The following CACNA1C variants were observed in gnomAD, a reference collection of about 807,000 sequenced individuals.
CACNA1C encodes the protein voltage-dependent L-type calcium channel subunit alpha-1C.
Under a neutral mutation model 229.0 loss-of-function variants are expected in CACNA1C, and 30 were observed. That is an observed-to-expected ratio of 0.13 (90% confidence interval 0.10 to 0.18). CACNA1C has a LOEUF of 0.18. Among genes scored for constraint, CACNA1C ranks in the 10% least tolerant of loss-of-function variants. The pLI is 1.00. For synonymous variants in CACNA1C, 1,114 were observed against 1,132.5 expected, an observed-to-expected ratio of 0.98 and a Z score of 0.33; for missense variants, 1,658 against 2,845.0, an observed-to-expected ratio of 0.58 and a Z score of 9.49.
chr12:2,039,121 T>A (rs1381569629), intron 1 of CACNA1C, among the ~76,000 whole-genome samples: 1 of 152,216 alleles, frequency 6.6e-6, no homozygotes, highest in African/African-American at 2.4e-5. Context: ...CATGGGCCTT[T>A]TAATAGACAA....
intron 3 of CACNA1C, among the ~76,000 whole-genome samples, chr12:2,122,815 C>T (rs1016649190): frequency 6.6e-5 from 10 of 152,182 alleles, no homozygotes; most frequent in African/African-American, 2.2e-4. Flanking sequence ...CCATATTTCC[C>T]GCATTGGAGA....
chr12:2,242,164 T>C lies in CACNA1C; in HGVS notation c.477+121734T>C, dbSNP rs2070733026. On this transcript the variant is annotated intron_variant, in intron 3 of 46. Transcript: ENST00000399655. ...CCAGCCATACTTTGCTCTTGCTACA[T>C]TCCTGCCACCCTATCTCCTGGGAGT... 2.0e-5 allele frequency among the ~76,000 whole-genome samples: 3 copies of C among 152,206 alleles called. No homozygotes were observed. The South Asian group carries it at 6.2e-4, about 32-fold the overall frequency.
chr12:2,149,078 G>A (rs1324591357), intron 3 of CACNA1C, among the ~76,000 whole-genome samples: 1 of 152,206 alleles, frequency 6.6e-6, no homozygotes, highest in African/African-American at 2.4e-5. Flanking sequence ...GGTCACCTAA[G>A]CAGCAGAGGA....
At chr12:2,097,391 C>T (rs531702296) in intron 1 of CACNA1C, among the ~76,000 whole-genome samples, 4 of 152,190 alleles carry the variant, frequency 2.6e-5, no homozygotes, top group South Asian at 4.2e-4. Context: ...TGTGATCCGC[C>T]CGCCTCGACC....
At position 2,681,159 on chromosome 12, in the gene CACNA1C, C is replaced by G. The variant is rs2097127518; in HGVS notation, c.5444+1363C>G. Among the ~76,000 whole-genome samples, 5 of 152,146 alleles carry G rather than the reference C, an allele frequency of 3.3e-5. No homozygotes were observed. The South Asian group carries it at 8.3e-4, about 25-fold the overall frequency. On this transcript the variant is annotated intron_variant, in intron 42 of 46. Coordinates refer to ENST00000399655, the MANE Select transcript of CACNA1C (RefSeq NM_000719.7). ...TTTAGCATCTCAGGGTGAACTAATT[C>G]CCCACCCTCTAAGGGCATTTTCATG...
upstream of CACNA1C, among the ~76,000 whole-genome samples, chr12:2,052,189 A>T (rs758659038): frequency 2.6e-5 from 4 of 152,078 alleles, no homozygotes; most frequent in Non-Finnish European, 2.9e-5. Flanking sequence ...GTAGGTAAGG[A>T]TATCCTAGTA....
At chr12:2,451,608 A>T (rs2099371883) in intron 4 of CACNA1C, among the ~76,000 whole-genome samples, 1 of 152,188 alleles carries the variant, frequency 6.6e-6, no homozygotes, top group South Asian at 2.1e-4. Flanking sequence ...GCCTGGGTTG[A>T]CAGGGAGGCA....
chr12:2,602,633 TG>T lies in CACNA1C; in HGVS notation c.2960+674del, dbSNP rs2073207621. ...TGTGACTGTGTATATTTGTGTCTTG[TG>T]TGTGTGTGTGTGTGTGTGTGTGTGT... is the stretch of plus-strand genomic sequence containing the variant. On this transcript the variant is annotated intron_variant, in intron 22 of 46. Transcript: ENST00000399655. The surrounding 1 kb of genome is among the most constrained non-coding windows in gnomAD (Gnocchi z 4.4). Among the ~76,000 whole-genome samples, 2 of 21,188 alleles carry T rather than the reference TG, an allele frequency of 9.4e-5. No individual in the cohort carries two copies. Among genetic ancestry groups the T allele is most frequent in the East Asian group, 5.5e-4 (1 of 1,806 alleles). 13.9% of individuals were successfully genotyped at this position (21,188 alleles called of 152,430 possible).
chr12:2,142,784 A>G (rs1391585250), intron 3 of CACNA1C, among the ~76,000 whole-genome samples: 1 of 151,354 alleles, frequency 6.6e-6, no homozygotes, highest in African/African-American at 2.4e-5. Context: ...AGAAAATGTT[A>G]CAAATAGAAA....
In CACNA1C at chr12:2,403,084, C is replaced by G. The variant is rs891491958; in HGVS notation, c.478-45892C>G. On this transcript the variant is annotated intron_variant, in intron 3 of 46. Transcript: ENST00000399655. This position sits in a 1 kb window ranked among gnomAD's most constrained non-coding sequence, Gnocchi z 4.1. ...GGGCAGAGGGACTTGTGTGTGTAGGCAGCAGCACACAGATACGGGGCTAGG... is the reference window on the plus strand; with the variant it reads ...GGGCAGAGGGACTTGTGTGTGTAGGGAGCAGCACACAGATACGGGGCTAGG... Among the ~76,000 whole-genome samples, 2 of 152,180 alleles carry G rather than the reference C, an allele frequency of 1.3e-5. No homozygotes were observed. The highest frequency in any genetic ancestry group is 2.9e-5 in the Non-Finnish European group (2 of 68,034).
chr12:2,478,182 C>G (rs544349054), intron 5 of CACNA1C, among the ~76,000 whole-genome samples: 1 of 152,222 alleles, frequency 6.6e-6, no homozygotes, highest in South Asian at 2.1e-4. Flanking sequence ...TCATATTTTC[C>G]TAGGTGAAGA....
chr12:2,088,165 C>T (rs1422218523), intron 1 of CACNA1C, among the ~76,000 whole-genome samples: 3 of 152,204 alleles, frequency 2.0e-5, no homozygotes, highest in African/African-American at 4.8e-5. Context: ...AATACAATTA[C>T]ACTTTTGTTA....
intron 3 of CACNA1C, among the ~76,000 whole-genome samples, chr12:2,397,451 T>C (rs1350130062): frequency 6.6e-6 from 1 of 152,204 alleles, no homozygotes; most frequent in Non-Finnish European, 1.5e-5. Flanking sequence ...GCTTTCACGC[T>C]CTAGGAGCAA....
At chr12:2,624,628 G>C (rs1404258668) in intron 29 of CACNA1C, among the ~76,000 whole-genome samples, 2 of 152,178 alleles carry the variant, frequency 1.3e-5, no homozygotes, top group African/African-American at 4.8e-5. Flanking sequence ...TCTGGACCCA[G>C]TGCTCTTCTT....
chr12:2,121,061 A>G (rs947507938), intron 3 of CACNA1C, among the ~76,000 whole-genome samples: 4 of 152,174 alleles, frequency 2.6e-5, no homozygotes, highest in African/African-American at 9.7e-5. Flanking sequence ...AAGTCATTAC[A>G]AAGACTTTTG....
chr12:2,398,782 A>G (rs574571667), intron 3 of CACNA1C, among the ~76,000 whole-genome samples: 1 of 152,344 alleles, frequency 6.6e-6, no homozygotes, highest in East Asian at 1.9e-4. Context: ...CAAAGGAGGC[A>G]GCAGGCTAGA....
At chr12:2,475,896 A>G (rs956211732) in intron 5 of CACNA1C, among the ~76,000 whole-genome samples, 3 of 152,070 alleles carry the variant, frequency 2.0e-5, no homozygotes, top group Admixed American at 6.5e-5. Flanking sequence ...GTGGGGTTTT[A>G]TTTCTTGGTC....
intron 3 of CACNA1C, among the ~76,000 whole-genome samples, chr12:2,435,096 A>G (rs529446145): frequency 6.6e-6 from 1 of 152,100 alleles, no homozygotes; most frequent in South Asian, 2.1e-4. Context: ...GCTTTCCCCC[A>G]CCGTGCAGAC....
At chr12:2,214,907 G>C (rs552570640) in intron 3 of CACNA1C, among the ~76,000 whole-genome samples, 1 of 151,888 alleles carries the variant, frequency 6.6e-6, no homozygotes, top group South Asian at 2.1e-4. Context: ...TCTCATCCCC[G>C]CCAAAAGAGG....
Sources: gnomAD v4.1 joint callset for allele counts (sites outside exome capture counted in the v4.1 genomes callset) on GRCh38, gnomAD v4.1.1 for gene constraint, Gnocchi (gnomAD v3.1) non-coding constraint, MANE v1.5 for transcripts, NCBI Gene and HGNC (gene_info 2026-07-23, HGNC 2026-07-21) for gene names.